LRMDA: variants seen among roughly 807,000 people sequenced by gnomAD.
LRMDA encodes the protein leucine rich melanocyte differentiation associated.
A neutral mutation model predicts 29.8 loss-of-function variants in LRMDA; 18 were observed. That is an observed-to-expected ratio of 0.60 (90% CI 0.42 to 0.90). The LOEUF (loss-of-function observed/expected upper bound fraction) is 0.90. Ranked by LOEUF, LRMDA falls within the 40% of genes least tolerant of loss-of-function variation. LRMDA has a pLI of 0.00. For missense variants in LRMDA, 273 were observed against 273.9 expected, an observed-to-expected ratio of 1.00 and a Z score of 0.02; for synonymous variants, 125 against 109.4, an observed-to-expected ratio of 1.14 and a Z score of -0.89.
chr10:75,598,033 C>A (rs1215744159), intron 2 of LRMDA, among the ~76,000 whole-genome samples: 2 of 152,066 alleles, frequency 1.3e-5, no homozygotes, highest in African/African-American at 2.4e-5. Context: ...GGTTTGCTGC[C>A]CCCGTAGAGC....
chr10:75,474,841 G>A (rs1048234456), intron 2 of LRMDA, among the ~76,000 whole-genome samples: 3 of 152,124 alleles, frequency 2.0e-5, no homozygotes, highest in African/African-American at 7.2e-5. Context: ...TGGCCTTGAG[G>A]TGTGACCCTG....
chr10:75,562,356 C>T lies in LRMDA; in HGVS notation c.131+123862C>T, dbSNP rs201143685. Reference sequence around the variant, plus strand: ...TTATCAGAGACTAGGACTGCAACCCCTGCCTTTTTTTGTTTTCCATTTGCT... The same window carrying T: ...TTATCAGAGACTAGGACTGCAACCCTTGCCTTTTTTTGTTTTCCATTTGCT... On this transcript the variant is annotated intron_variant, in intron 2 of 6. Coordinates refer to ENST00000611255, the MANE Select transcript of LRMDA (RefSeq NM_001305581.2). 1.8e-3 allele frequency among the ~76,000 whole-genome samples: 279 copies of T among 151,902 alleles called. 2 individuals are homozygous for T. In the East Asian group the frequency reaches 0.031, roughly 17 times the overall value.
Position 76,003,668 on chromosome 10 carries a change from G to A in LRMDA, c.132-32340G>A, listed in dbSNP as rs540993430. Among the ~76,000 whole-genome samples the A allele has an allele frequency of 6.6e-5, 10 of 152,252 alleles. No homozygotes were observed. In the East Asian group the frequency reaches 1.2e-3, roughly 18 times the overall value. ...AGGCAGCATTAGGAAGGTGAGATGAGTAAATGGCAGGTAAGTCAGTTGAGG... is the reference window on the plus strand; with the variant it reads ...AGGCAGCATTAGGAAGGTGAGATGAATAAATGGCAGGTAAGTCAGTTGAGG... On this transcript the variant is annotated intron_variant, in intron 2 of 6. Coordinates refer to ENST00000611255, the MANE Select transcript of LRMDA (RefSeq NM_001305581.2).
chr10:76,209,348 G>A (rs1420150575), intron 5 of LRMDA, among the ~76,000 whole-genome samples: 2 of 151,932 alleles, frequency 1.3e-5, no homozygotes, highest in East Asian at 3.9e-4. Context: ...CTGAGACCCA[G>A]GCTTCCCTAT....
intron 2 of LRMDA, among the ~76,000 whole-genome samples, chr10:75,452,960 T>C (rs573774795): frequency 7.2e-5 from 11 of 152,310 alleles, no homozygotes; most frequent in Admixed American, 4.6e-4. Context: ...AGCATAATGG[T>C]CTTTCCGATG....
intron 5 of LRMDA, chr10:76,241,905 G>C (rs918669368): frequency 1.3e-5 from 2 of 152,210 alleles, no homozygotes; most frequent in Admixed American, 1.3e-4. Context: ...AACCTCACAG[G>C]ATGGTTGTGA....
chr10:75,786,568 T>G (rs1161420129), intron 2 of LRMDA, among the ~76,000 whole-genome samples: 1 of 152,166 alleles, frequency 6.6e-6, no homozygotes, highest in Non-Finnish European at 1.5e-5. Context: ...TCTTTCTGAT[T>G]TTTTTCTGAT....
chr10:76,028,818 CTTTT>C (rs1237211316), intron 2 of LRMDA, among the ~76,000 whole-genome samples: 2 of 131,052 alleles, frequency 1.5e-5, no homozygotes, highest in African/African-American at 2.8e-5. Flanking sequence ...TATTCAAAGC[CTTTT>C]TTTTTTTTTT....
intron 5 of LRMDA, among the ~76,000 whole-genome samples, chr10:76,139,451 A>C (rs749336693): frequency 6.6e-6 from 1 of 152,100 alleles, no homozygotes; most frequent in African/African-American, 2.4e-5. Flanking sequence ...GCACATGCTT[A>C]CTTACTCTGG....
At chr10:76,131,035 A>G (rs1849983287) in intron 5 of LRMDA, among the ~76,000 whole-genome samples, 1 of 152,044 alleles carries the variant, frequency 6.6e-6, no homozygotes, top group African/African-American at 2.4e-5. Context: ...GTATTTTTTC[A>G]TTCCGGAAAG....
chr10:76,269,036 C>T (rs781627561), intron 5 of LRMDA, among the ~76,000 whole-genome samples: 3 of 152,130 alleles, frequency 2.0e-5, no homozygotes, highest in South Asian at 2.1e-4. Context: ...ACTGGGCCAC[C>T]GAATATTTAT....
chr10:76,240,859 T>C (rs200137713), intron 5 of LRMDA, among the ~76,000 whole-genome samples: 73 of 141,798 alleles, frequency 5.1e-4, no homozygotes, highest in African/African-American at 1.5e-3. Flanking sequence ...TATATATATA[T>C]ACATATATAT....
At chr10:75,563,368 C>T (rs1011288826) in intron 2 of LRMDA, among the ~76,000 whole-genome samples, 7 of 152,138 alleles carry the variant, frequency 4.6e-5, no homozygotes, top group African/African-American at 1.7e-4. Context: ...CAATCCTTGG[C>T]TTTCAGCTTC....
At chr10:76,407,841 G>A (rs1199506590) in intron 6 of LRMDA, among the ~76,000 whole-genome samples, 1 of 152,152 alleles carries the variant, frequency 6.6e-6, no homozygotes, top group East Asian at 1.9e-4. Context: ...TAGAACATTT[G>A]TTTTGAATTA....
intron 2 of LRMDA, among the ~76,000 whole-genome samples, chr10:75,745,614 C>T (rs751376821): frequency 9.2e-5 from 14 of 152,186 alleles, no homozygotes; most frequent in Admixed American, 2.0e-4. Context: ...CATTTCCTAT[C>T]GCTCTGACAC....
intron 1 of LRMDA, 59 bp downstream of exon 1, chr10:75,431,813 G>T (rs2132016746): frequency 1.6e-6 from 2 of 1,285,892 alleles, no homozygotes; most frequent in East Asian, 3.1e-5. Context: ...GAGGGACAGC[G>T]GGGCACAGAG....
chr10:76,404,018 C>T lies in LRMDA; in HGVS notation c.601+79533C>T, dbSNP rs765840572. Among the ~76,000 whole-genome samples the T allele has an allele frequency of 3.3e-5, 5 of 152,070 alleles. No individual in the cohort carries two copies. The South Asian group carries it at 8.3e-4, about 25-fold the overall frequency. ...CCCAGGGAAGAGGCTCAGTTCCTTT[C>T]CCTCTTTCGCAACTGCCCCCTTCAC... On this transcript the variant is annotated intron_variant, in intron 6 of 6. Transcript: ENST00000611255.
chr10:76,383,531 C>A (rs574069632), intron 6 of LRMDA, among the ~76,000 whole-genome samples: 1 of 148,066 alleles, frequency 6.8e-6, no homozygotes, highest in Non-Finnish European at 1.5e-5. Context: ...CCCGGGTTCA[C>A]GCCATTCTCC....
chr10:76,546,488 G>A (rs999909370), intron 6 of LRMDA, among the ~76,000 whole-genome samples: 2 of 152,160 alleles, frequency 1.3e-5, no homozygotes, highest in Non-Finnish European at 2.9e-5. Flanking sequence ...AATTAACAAG[G>A]ACCCAACATT....
Sources: allele counts gnomAD v4.1 joint callset (sites outside exome capture counted in the v4.1 genomes callset), GRCh38; gene constraint gnomAD v4.1.1; transcripts MANE v1.5; gene names NCBI Gene and HGNC (gene_info 2026-07-23, HGNC 2026-07-21).